Variants in PRICKLE3 observed in about 807,000 individuals in gnomAD.
The protein encoded by PRICKLE3 is LIM domain only protein 6.
A neutral mutation model predicts 33.8 loss-of-function variants in PRICKLE3; 17 were observed. That is an observed-to-expected ratio of 0.50 (90% CI 0.34 to 0.75). The LOEUF is 0.75. PRICKLE3 is among the 30% of genes least tolerant of loss of function. The pLI is 0.01. For missense variants in PRICKLE3, 573 were observed against 576.7 expected (o/e 0.99, Z 0.07); for synonymous variants, 211 against 219.6 (o/e 0.96, Z 0.34).
rs2147878494 is a variant in PRICKLE3, at chrX:49,186,307, G to A, written c.-10C>T. ...ACCCACGCGCGAACATGGCGCGCCC[G>A]GGCAGGGTCAAGCCGGGCCGGGTCA... On this transcript the variant is annotated 5_prime_UTR_variant, in exon 1 of 9. Coordinates refer to ENST00000599218, the MANE Select transcript of PRICKLE3 (RefSeq NM_006150.5). 8.8e-7 allele frequency: 1 copy of A among 1,140,475 alleles called. No individual in the cohort carries two copies. The highest frequency in any genetic ancestry group is 1.8e-5 in the African/African-American group (1 of 55,004). The allele number at this position is 1,140,475 out of a possible 1,213,427, so 94.0% of individuals were successfully genotyped here.
intron 3 of PRICKLE3, among the ~76,000 whole-genome samples, chrX:49,182,978 C>G (rs1439278520): frequency 9.0e-6 from 1 of 111,091 alleles, no homozygotes; most frequent in Non-Finnish European, 1.9e-5. Flanking sequence ...TGTGCACCAC[C>G]ACACCTGGCT....
intron 5 of PRICKLE3, 140 bp from the exon 6 acceptor site, chrX:49,178,615 G>T: frequency 1.7e-6 from 1 of 586,522 alleles, no homozygotes; most frequent in Non-Finnish European, 2.7e-6. Flanking sequence ...GGGTAACTTT[G>T]ACACAGGCCC....
rs200242176 is a variant in PRICKLE3 at position 49,178,016 on chromosome X, C to T, written c.932G>A (p.Cys311Tyr). The change falls in exon 7 of 9, where the codon TGT (cysteine) becomes TAT (tyrosine). Residue 311 changes from cysteine to tyrosine, a missense_variant. Physicochemically the swap from Cys to Tyr is radical, Grantham distance 194. Coordinates refer to ENST00000599218, the MANE Select transcript of PRICKLE3 (RefSeq NM_006150.5). Reference protein sequence around the residue: ...ACYEARHAEYCDGCGEHIGLD... With the variant: ...ACYEARHAEYYDGCGEHIGLD... ...ACCGATGTGCTCCCCACAGCCATCACAGTACTCCGCGTGGCGGGCCTCGTA... is the reference window on the plus strand; with the variant it reads ...ACCGATGTGCTCCCCACAGCCATCATAGTACTCCGCGTGGCGGGCCTCGTA... 8.7e-7 allele frequency: 1 copy of T among 1,150,671 alleles called. No individual in the cohort carries two copies. Among genetic ancestry groups the T allele is most frequent in the East Asian group, 3.0e-5 (1 of 33,251 alleles). The allele number at this position is 1,150,671 out of a possible 1,213,427, so 94.8% of individuals were successfully genotyped here.
chrX:49,176,489 G>C (rs953972396), intron 8 of PRICKLE3, among the ~76,000 whole-genome samples: 10 of 109,961 alleles, frequency 9.1e-5, no homozygotes, highest in African/African-American at 2.7e-4. Flanking sequence ...GATGGGACTG[G>C]TGTGGGGGGC....
intron 2 of PRICKLE3, 23 bp from the exon 3 acceptor site, chrX:49,183,940 C>A (rs2065470321): frequency 2.5e-6 from 3 of 1,193,650 alleles, no homozygotes; most frequent in African/African-American, 1.8e-5. Flanking sequence ...GGATGGGGGT[C>A]AATTACTAAG....
At chrX:49,177,327 C>T (rs2065424984) in intron 7 of PRICKLE3, 125 bp from the exon 8 acceptor site, 2 of 714,898 alleles carry the variant, frequency 2.8e-6, no homozygotes, top group Non-Finnish European at 3.9e-6. Flanking sequence ...GGGTGCCTTC[C>T]TCCCTCCTCC....
At position 49,177,058 on chromosome X, in the gene PRICKLE3, C is replaced by T. The variant is rs782287717; in HGVS notation, c.1100G>A (p.Ser367Asn). ...TGGAGCTGTGGGCTCGGACCCAAGG[C>T]TGCAGGCTCGAGAGCAGAAGATTAG... is the stretch of plus-strand genomic sequence containing the variant. ...RGLIFCSRAC[S>N]LGSEPTAPGP... The change falls in exon 8 of 9, where the codon AGC becomes AAC. Residue 367 changes from serine to asparagine, a missense_variant. By Grantham distance (46) the Ser-to-Asn change is conservative. Transcript: ENST00000599218. 6.6e-6 allele frequency: 8 copies of T among 1,206,191 alleles called. No individual in the cohort carries two copies. Among genetic ancestry groups the T allele is most frequent in the Non-Finnish European group, 9.0e-6 (8 of 893,184 alleles).
chrX:49,184,964 A>C, intron 1 of PRICKLE3: 2 of 990,919 alleles, frequency 2.0e-6, no homozygotes, highest in East Asian at 3.9e-5. Flanking sequence ...CTGGCCTCGG[A>C]CCCCCCTCCC....
intron 3 of PRICKLE3, among the ~76,000 whole-genome samples, chrX:49,182,072 G>A (rs1412581025): frequency 1.8e-5 from 2 of 108,725 alleles, no homozygotes; most frequent in Non-Finnish European, 3.8e-5. Flanking sequence ...TCAGCCTCCC[G>A]AGTAGCTGGG....
chrX:49,178,164 CAG>C lies in PRICKLE3; in HGVS notation c.782_783del (p.Pro261ArgfsTer6). 1.7e-6 allele frequency: 2 copies of C among 1,186,621 alleles called. No individual in the cohort carries two copies. The highest frequency in any genetic ancestry group is 2.3e-6 in the Non-Finnish European group (2 of 880,287). On this transcript the variant is annotated frameshift_variant, in exon 7 of 9. Coordinates refer to ENST00000599218, the MANE Select transcript of PRICKLE3 (RefSeq NM_006150.5). LOFTEE classifies it high-confidence loss of function. The part of the protein sequence containing the change: ...CQACDEIIFS[P>X]ECTEAEGRHW... ...TGGCGGCCCTCAGCCTCCGTGCACTCAGGGGAGAAGATGATCTGGAGGGCGCA... is the reference window on the plus strand; with the variant it reads ...TGGCGGCCCTCAGCCTCCGTGCACTCGGGAGAAGATGATCTGGAGGGCGCA...
In PRICKLE3 at chrX:49,175,629, C is replaced by T; in HGVS notation, c.*44G>A. The T allele has an allele frequency of 1.8e-6, 2 of 1,125,848 alleles. No individual in the cohort carries two copies. Among genetic ancestry groups the T allele is most frequent in the Non-Finnish European group, 2.4e-6 (2 of 829,799 alleles). The allele number at this position is 1,125,848 out of a possible 1,213,427, so 92.8% of individuals were successfully genotyped here. On this transcript the variant is annotated 3_prime_UTR_variant, in exon 9 of 9. Coordinates refer to ENST00000599218, the MANE Select transcript of PRICKLE3 (RefSeq NM_006150.5). ...GGGTGAGGGGCATGGGCCTCATCATCTACTCTGACTGGAGAATGGAGCCCC... is the reference window on the plus strand; with the variant it reads ...GGGTGAGGGGCATGGGCCTCATCATTTACTCTGACTGGAGAATGGAGCCCC...
At chrX:49,176,381 G>C in intron 8 of PRICKLE3, 116 bp from the exon 9 acceptor site, 4 of 550,729 alleles carry the variant, frequency 7.3e-6, no homozygotes, top group Non-Finnish European at 1.1e-5. Context: ...AGTGGGGGCA[G>C]GGGTCGGAGA....
Position 49,177,974 on chromosome X carries a change from T to C in PRICKLE3, c.955+19A>G, listed in dbSNP as rs782488896. Reference sequence around the variant, plus strand: ...GCTGTCCATCCATCCCTCTGTCCAGTCCCACAGCATTCACCCACCGATGTG... The same window carrying C: ...GCTGTCCATCCATCCCTCTGTCCAGCCCCACAGCATTCACCCACCGATGTG... On this transcript the variant is annotated intron_variant, in intron 7 of 8. Coordinates refer to ENST00000599218, the MANE Select transcript of PRICKLE3 (RefSeq NM_006150.5). 8.7e-5 allele frequency: 99 copies of C among 1,139,673 alleles called. No homozygotes were observed. The highest frequency in any genetic ancestry group is 1.2e-4 in the Non-Finnish European group (99 of 860,673). The allele number at this position is 1,139,673 out of a possible 1,213,427, so 93.9% of individuals were successfully genotyped here.
Position 49,178,323 on chromosome X carries a change from G to A in PRICKLE3, c.717C>T (p.Cys239=), listed in dbSNP as rs145659823. Reference sequence around the variant, plus strand: ...GCAGGCATTCGGCATGGTGACGCCCGCAGTAGACCTTGCCAACATGGTAGA... The same window carrying A: ...GCAGGCATTCGGCATGGTGACGCCCACAGTAGACCTTGCCAACATGGTAGA... ...IYFYHVGKVY[C]GRHHAECLRP... is the part of the protein sequence containing the mutation. The change falls in exon 6 of 9, where the codon TGC becomes TGT. Residue 239 remains cysteine, a synonymous_variant. Coordinates refer to ENST00000599218, the MANE Select transcript of PRICKLE3 (RefSeq NM_006150.5). 99 of 1,203,978 alleles carry A rather than the reference G, an allele frequency of 8.2e-5. No homozygotes were observed. The African/African-American group carries it at 1.5e-3, about 18-fold the overall frequency.
intron 8 of PRICKLE3, 125 bp from the exon 9 acceptor site, chrX:49,176,390 G>T (rs2065417673): frequency 8.0e-6 from 4 of 502,298 alleles, no homozygotes; most frequent in Non-Finnish European, 1.3e-5. Flanking sequence ...AGGGGTCGGA[G>T]AATGGCAGGG....
intron 7 of PRICKLE3, among the ~76,000 whole-genome samples, chrX:49,177,442 C>T (rs2065425413): frequency 8.9e-6 from 1 of 112,497 alleles, no homozygotes. Context: ...CCAGGGTGCT[C>T]TCTCCCAGAG....
In PRICKLE3 at chrX:49,179,683, C is replaced by T; in HGVS notation, c.426+10G>A. 8.7e-7 allele frequency: 1 copy of T among 1,145,222 alleles called. No homozygotes were observed. Among genetic ancestry groups the T allele is most frequent in the Non-Finnish European group, 1.2e-6 (1 of 846,161 alleles). The allele number at this position is 1,145,222 out of a possible 1,213,427, so 94.4% of individuals were successfully genotyped here. ...GCCTGGCATGCCCTTCCTGTCTTCT[C>T]TCTCCTCACCTCACTGTCGTGTGGG... is the stretch of plus-strand genomic sequence containing the variant. On this transcript the variant is annotated intron_variant, in intron 4 of 8. Transcript: ENST00000599218.
At chrX:49,177,640 G>A (rs1263741225) in intron 7 of PRICKLE3, among the ~76,000 whole-genome samples, 4 of 111,624 alleles carry the variant, frequency 3.6e-5, no homozygotes, top group Non-Finnish European at 5.7e-5. Flanking sequence ...CTAGAAGCTA[G>A]GCCTGACTTA....
In PRICKLE3 at chrX:49,175,458, G is replaced by C. The variant is rs188857325; in HGVS notation, c.*215C>G. On this transcript the variant is annotated 3_prime_UTR_variant, in exon 9 of 9. Coordinates refer to ENST00000599218, the MANE Select transcript of PRICKLE3 (RefSeq NM_006150.5). ...ATAGCTTGAGCCCAAAACTTTTGAGGCTGCAGTGAGCCCTGATCACACCAC... is the reference window on the plus strand; with the variant it reads ...ATAGCTTGAGCCCAAAACTTTTGAGCCTGCAGTGAGCCCTGATCACACCAC... 437 of 384,013 alleles carry C rather than the reference G, an allele frequency of 1.1e-3. 1 individual carries two copies. Among genetic ancestry groups the C allele is most frequent in the Non-Finnish European group, 1.2e-4 (28 of 227,817 alleles). 31.6% of individuals were successfully genotyped at this position (384,013 alleles called of 1,213,427 possible).
Sources: gnomAD v4.1 joint callset for allele counts (sites outside exome capture counted in the v4.1 genomes callset) on GRCh38, gnomAD v4.1.1 for gene constraint, MANE v1.5 for transcripts, NCBI Gene and HGNC (gene_info 2026-07-23, HGNC 2026-07-21) for gene names.